Variants in FLNC observed in about 807,000 individuals in gnomAD.
The protein encoded by FLNC is filamin-C.
In FLNC, 91 loss-of-function variants were observed where a neutral mutation model predicts 254.3. That is an observed-to-expected ratio of 0.36 (90% confidence interval 0.30 to 0.43). The LOEUF (loss-of-function observed/expected upper bound fraction) is 0.43. Ranked by LOEUF, FLNC falls within the 20% of genes least tolerant of loss-of-function variation. The pLI is 1.00. For missense variants in FLNC, 2,853 were observed against 3,802.6 expected (o/e 0.75, Z 6.57); for synonymous variants, 1,430 against 1,577.2 (o/e 0.91, Z 2.21).
chr7:128,835,248 T>C lies in FLNC; in HGVS notation c.353-78T>C, dbSNP rs951439501. ...ACCCCAGAGCTCTGGCCCGAGGAGC[T>C]GCGCAGGTGAGGGAGGGTGCTCTGG... On this transcript the variant is annotated intron_variant, in intron 1 of 47. Transcript: ENST00000325888. This position sits in a 1 kb window ranked among gnomAD's most constrained non-coding sequence, Gnocchi z 5.3. 2.5e-6 allele frequency: 4 copies of C among 1,601,784 alleles called. No individual in the cohort carries two copies. The African/African-American group carries it at 4.0e-5, about 16-fold the overall frequency.
chr7:128,837,109 C>G, intron 2 of FLNC, 51 bp from the exon 3 acceptor site: 3 of 1,283,472 alleles, frequency 2.3e-6, no homozygotes, highest in Non-Finnish European at 3.3e-6. Flanking sequence ...TGCCCTGCAT[C>G]CTGGCCGGCT....
intron 1 of FLNC, among the ~76,000 whole-genome samples, chr7:128,832,378 G>A (rs909149534): frequency 6.6e-6 from 1 of 152,242 alleles, no homozygotes; most frequent in Non-Finnish European, 1.5e-5. Flanking sequence ...TGGAGGCTGA[G>A]GGGTCAGAGA....
chr7:128,837,308 G>T lies in FLNC; in HGVS notation c.699+51G>T. On this transcript the variant is annotated intron_variant, in intron 3 of 47. Transcript: ENST00000325888. ...GAAAGGGGGCAGGGGCAGAGGTTGG[G>T]TCTGTAAGTTTACCTGGCCAGGGTG... 3.1e-6 allele frequency: 5 copies of T among 1,608,754 alleles called. No homozygotes were observed. In the South Asian group the frequency reaches 4.4e-5, roughly 14 times the overall value.
Position 128,841,058 on chromosome 7 carries a change from G to C in FLNC, c.1813+88G>C, listed in dbSNP as rs1032053785. 1.0e-4 allele frequency: 160 copies of C among 1,563,966 alleles called. 1 individual carries two copies. Among genetic ancestry groups the C allele is most frequent in the Non-Finnish European group, 1.3e-4 (151 of 1,144,402 alleles). ...GTAATGGGTGCAGTGCGCATGCTGG[G>C]GAGCGCTGGGGTGAGCAGGGAGATA... On this transcript the variant is annotated intron_variant, in intron 11 of 47. Transcript: ENST00000325888. This position sits in a 1 kb window ranked among gnomAD's most constrained non-coding sequence, Gnocchi z 4.3.
chr7:128,837,802 C>T lies in FLNC; in HGVS notation c.969+47C>T, dbSNP rs972658922. On this transcript the variant is annotated intron_variant, in intron 5 of 47. Coordinates refer to ENST00000325888, the MANE Select transcript of FLNC (RefSeq NM_001458.5). The stretch of plus-strand genomic sequence containing the variant: ...CAGAGGGATTCACTTGGGATTGGAA[C>T]CAGAGAGCGTGGGGCCAACAACAGG... 4.0e-6 allele frequency: 6 copies of T among 1,511,616 alleles called. No individual in the cohort carries two copies. In the African/African-American group the frequency reaches 6.9e-5, roughly 17 times the overall value. 93.6% of individuals were successfully genotyped at this position (1,511,616 alleles called of 1,614,324 possible).
At chr7:128,854,303 C>T (rs547980894) in intron 40 of FLNC, 87 bp downstream of exon 40, 44 of 1,603,614 alleles carry the variant, frequency 2.7e-5, no homozygotes, top group African/African-American at 1.2e-4. Flanking sequence ...AGACTGGCCC[C>T]GAAGGCCAGG....
chr7:128,838,130 CCTCT>C, intron 6 of FLNC, 66 bp downstream of exon 6: 3 of 1,503,042 alleles, frequency 2.0e-6, no homozygotes, highest in East Asian at 4.5e-5. Flanking sequence ...TGCATGGACC[CCTCT>C]CTCAGCCTGT....
Position 128,850,143 on chromosome 7 carries a change from C to T in FLNC, c.5298+69C>T. On this transcript the variant is annotated intron_variant, in intron 31 of 47. Coordinates refer to ENST00000325888, the MANE Select transcript of FLNC (RefSeq NM_001458.5). Reference sequence around the variant, plus strand: ...TCCTTCATTTCTTCTCTCTACTCCTCTGCAGCCAGGGCGGGGACATGGTCT... The same window carrying T: ...TCCTTCATTTCTTCTCTCTACTCCTTTGCAGCCAGGGCGGGGACATGGTCT... 3.0e-6 allele frequency: 4 copies of T among 1,319,212 alleles called. No homozygotes were observed. In the South Asian group the frequency reaches 5.0e-5, roughly 17 times the overall value. The allele number at this position is 1,319,212 out of a possible 1,614,324, so 81.7% of individuals were successfully genotyped here.
rs1438826619 is a variant in FLNC at position 128,849,416 on chromosome 7, A to G, written c.5037A>G (p.Thr1679=). 1.2e-6 allele frequency: 2 copies of G among 1,614,186 alleles called. No individual in the cohort carries two copies. The highest frequency in any genetic ancestry group is 2.2e-5 in the South Asian group (2 of 91,088). The change falls in exon 30 of 48, where the codon ACA becomes ACG. Residue 1679 remains threonine, a synonymous_variant. Coordinates refer to ENST00000325888, the MANE Select transcript of FLNC (RefSeq NM_001458.5). ...DAKAAGEGKV[T]CTVSTPDGAE... ...AGGCAGCCGGTGAGGGGAAGGTGAC[A>G]TGCACGGTGTCCACGCCGGATGGGG...
intron 28 of FLNC, 41 bp downstream of exon 28, chr7:128,849,023 G>A (rs760354214): frequency 6.2e-7 from 1 of 1,600,484 alleles, no homozygotes; most frequent in Non-Finnish European, 8.5e-7. Context: ...TCACCACCCA[G>A]CCCCTCAAAG....
At chr7:128,845,436 AC>A (rs1215097312) in intron 21 of FLNC, among the ~76,000 whole-genome samples, 181 bp downstream of exon 21, 2 of 152,128 alleles carry the variant, frequency 1.3e-5, no homozygotes, top group African/African-American at 4.8e-5. Context: ...GGAGGGGAAG[AC>A]CGGGGGTGGA....
In FLNC at chr7:128,856,854, G is replaced by A. The variant is rs749544147; in HGVS notation, c.7494G>A (p.Glu2498=). Residue 2498 remains glutamate, a synonymous_variant, in exon 45 of 48, where the codon GAG becomes GAA. Transcript: ENST00000325888. This position sits in a 1 kb window ranked among gnomAD's most constrained non-coding sequence, Gnocchi z 5.9. Reference sequence around the variant, plus strand: ...GTCCCTTCAAGATCCGCGTTGGGGAGCAGAGCCAGGCTGGGGACCCAGGCT... The same window carrying A: ...GTCCCTTCAAGATCCGCGTTGGGGAACAGAGCCAGGCTGGGGACCCAGGCT... The part of the protein sequence containing the change: ...PGSPFKIRVG[E]QSQAGDPGLV... 8.1e-6 allele frequency: 13 copies of A among 1,614,172 alleles called. No homozygotes were observed. The highest frequency in any genetic ancestry group is 1.1e-5 in the Non-Finnish European group (13 of 1,180,004).
chr7:128,839,579 C>T (rs528367511), intron 8 of FLNC, among the ~76,000 whole-genome samples: 1 of 152,332 alleles, frequency 6.6e-6, no homozygotes, highest in South Asian at 2.1e-4. Flanking sequence ...GGCTGATGTC[C>T]ACACGTTGCC....
intron 30 of FLNC, 66 bp downstream of exon 30, chr7:128,849,644 C>A: frequency 6.3e-7 from 1 of 1,577,850 alleles, no homozygotes. Flanking sequence ...TTAGCAGCAG[C>A]AGGGATCCCA....
At position 128,846,449 on chromosome 7, in the gene FLNC, C is replaced by T. The variant is rs1808573147; in HGVS notation, c.4113C>T (p.Phe1371=). ...GCTTGGTCAACAAGGCCAACCGATT[C>T]ACTGTGGAGACCAGGTATCCTCCCC... ...EGGLVNKANR[F]TVETRGAGTG... is the part of the protein sequence containing the mutation. Residue 1371 remains phenylalanine, a synonymous_variant, in exon 23 of 48, where the codon TTC becomes TTT. Coordinates refer to ENST00000325888, the MANE Select transcript of FLNC (RefSeq NM_001458.5). The T allele has an allele frequency of 6.2e-7, 1 of 1,602,380 alleles. No homozygotes were observed. The highest frequency in any genetic ancestry group is 1.7e-5 in the Admixed American group (1 of 60,002).
At position 128,847,843 on chromosome 7, in the gene FLNC, G is replaced by C. The variant is rs1362658814; in HGVS notation, c.4435G>C (p.Val1479Leu). Residue 1479 changes from valine to leucine, a missense_variant, in exon 25 of 48, where the codon GTG becomes CTG. Physicochemically the swap from Val to Leu is conservative, Grantham distance 32. Coordinates refer to ENST00000325888, the MANE Select transcript of FLNC (RefSeq NM_001458.5). The stretch of plus-strand genomic sequence containing the variant: ...TCAAGCTGGCCGGGCGCCCCTGCAG[G>C]TGGCTGTGCTGGGCCCCACAGGTAT... ...CSQAGRAPLQ[V>L]AVLGPTGVAE... The C allele has an allele frequency of 1.2e-6, 2 of 1,613,512 alleles. No homozygotes were observed. Among genetic ancestry groups the C allele is most frequent in the Admixed American group, 3.3e-5 (2 of 60,000 alleles).
rs1171696465 is a variant in FLNC, at chr7:128,843,527, A to G, written c.2761A>G (p.Ile921Val). The change falls in exon 18 of 48, where the codon ATA (isoleucine) becomes GTA (valine). Residue 921 changes from isoleucine (I) to valine (V), a missense_variant. Physicochemically the swap from Ile to Val is conservative, Grantham distance 29. Coordinates refer to ENST00000325888, the MANE Select transcript of FLNC (RefSeq NM_001458.5). Reference sequence around the variant, plus strand: ...CGAGGTTGTGCGGGACTTTGAGATCATAGACAACCATGACTACTCCTACAC... The same window carrying G: ...CGAGGTTGTGCGGGACTTTGAGATCGTAGACAACCATGACTACTCCTACAC... Reference protein sequence around the residue: ...KGEVVRDFEIIDNHDYSYTVK... With the variant: ...KGEVVRDFEIVDNHDYSYTVK... 1 of 1,613,938 alleles carries G rather than the reference A, an allele frequency of 6.2e-7. No homozygotes were observed. Among genetic ancestry groups the G allele is most frequent in the East Asian group, 2.2e-5 (1 of 44,878 alleles).
rs1808801963 is a variant in FLNC, at chr7:128,851,335, T to C, written c.5643T>C (p.Thr1881=). Residue 1881 remains threonine (T), a synonymous_variant, in exon 34 of 48, where the codon ACT becomes ACC. Coordinates refer to ENST00000325888, the MANE Select transcript of FLNC (RefSeq NM_001458.5). The part of the protein sequence containing the change: ...HGMVNKPATF[T]IVTKDAGEGG... ...TGGTCAACAAGCCAGCCACCTTCACTATTGTCACCAAAGATGCTGGAGAAG... is the reference window on the plus strand; with the variant it reads ...TGGTCAACAAGCCAGCCACCTTCACCATTGTCACCAAAGATGCTGGAGAAG... 6.2e-7 allele frequency: 1 copy of C among 1,613,998 alleles called. No individual in the cohort carries two copies. Among genetic ancestry groups the C allele is most frequent in the Non-Finnish European group, 8.5e-7 (1 of 1,180,048 alleles).
chr7:128,842,973 A>T lies in FLNC; in HGVS notation c.2550+19A>T. The T allele has an allele frequency of 6.2e-7, 1 of 1,613,170 alleles. No homozygotes were observed. ...CAACCAGGTACCTAAGCTCCTGGGT[A>T]CTCACAGCGACATGCACCTGCCAGC... On this transcript the variant is annotated intron_variant, in intron 16 of 47. Transcript: ENST00000325888. The surrounding 1 kb of genome is among the most constrained non-coding windows in gnomAD (Gnocchi z 5.4).
Sources: allele counts gnomAD v4.1 joint callset (sites outside exome capture counted in the v4.1 genomes callset), GRCh38; gene constraint gnomAD v4.1.1; non-coding constraint Gnocchi (gnomAD v3.1); transcripts MANE v1.5; gene names NCBI Gene and HGNC (gene_info 2026-07-23, HGNC 2026-07-21).